Variants in IFT74 observed in about 807,000 individuals in gnomAD.
IFT74 encodes the protein intraflagellar transport 74.
Under a neutral mutation model 96.7 loss-of-function variants are expected in IFT74, and 92 were observed. The ratio of observed to expected loss-of-function variants is 0.95; its 90% CI spans 0.80 to 1.13. IFT74 has a LOEUF of 1.13. IFT74 is among the 50% of genes most tolerant of loss of function. The pLI, the probability that IFT74 is intolerant of heterozygous loss-of-function variation, is 0.00. For missense variants in IFT74, 811 were observed against 698.2 expected, an observed-to-expected ratio of 1.16 and a Z score of -1.82; for synonymous variants, 223 against 213.2, an observed-to-expected ratio of 1.05 and a Z score of -0.40.
chr9:27,029,423 C>T (rs745893298), intron 13 of IFT74, among the ~76,000 whole-genome samples: 4 of 152,108 alleles, frequency 2.6e-5, no homozygotes, highest in Admixed American at 6.5e-5. Flanking sequence ...AGTTACACTT[C>T]CTTCCTAGTA....
intron 8 of IFT74, among the ~76,000 whole-genome samples, chr9:27,003,091 T>C (rs1322348351): frequency 6.6e-6 from 1 of 152,222 alleles, no homozygotes; most frequent in African/African-American, 2.4e-5. Context: ...TTCAGATTCT[T>C]CACTGTTGGC....
upstream of IFT74, among the ~76,000 whole-genome samples, chr9:26,955,177 G>A (rs1303948528): frequency 2.0e-5 from 3 of 152,124 alleles, no homozygotes; most frequent in East Asian, 5.8e-4. Context: ...AGGACATTAA[G>A]CAGCTCACAG....
At chr9:26,947,181 G>A in intron 1 of IFT74, 1 of 1,080,922 alleles carries the variant, frequency 9.3e-7, no homozygotes, top group Non-Finnish European at 1.3e-6. Context: ...GAGCCCGAGA[G>A]CCGGTACGGA....
intron 12 of IFT74, 132 bp downstream of exon 12, chr9:27,018,819 C>T: frequency 2.2e-6 from 1 of 451,384 alleles, no homozygotes; most frequent in South Asian, 6.6e-5. Context: ...TGTTTAAGAG[C>T]CATTGCATAG....
At chr9:27,045,323 C>T (rs1052517483) in intron 14 of IFT74, among the ~76,000 whole-genome samples, 3 of 152,208 alleles carry the variant, frequency 2.0e-5, no homozygotes, top group African/African-American at 4.8e-5. Flanking sequence ...GCCCCCAGCC[C>T]TGGTCCATAG....
chr9:26,954,650 G>A (rs918273106), upstream of IFT74, among the ~76,000 whole-genome samples: 1 of 151,048 alleles, frequency 6.6e-6, no homozygotes, highest in African/African-American at 2.4e-5. Flanking sequence ...AGACATTTGG[G>A]TTAAGACCTG....
intron 8 of IFT74, chr9:26,997,853 A>C (rs565405550): frequency 6.2e-7 from 1 of 1,614,182 alleles, no homozygotes; most frequent in East Asian, 2.2e-5. Flanking sequence ...CAAATAGCTA[A>C]TCAAATTGCC....
At chr9:27,006,060 T>C (rs1371546813) in intron 8 of IFT74, among the ~76,000 whole-genome samples, 1 of 152,012 alleles carries the variant, frequency 6.6e-6, no homozygotes, top group Non-Finnish European at 1.5e-5. Context: ...GCCAGGCTGG[T>C]CTCAAACTCC....
intron 1 of IFT74, among the ~76,000 whole-genome samples, chr9:26,959,131 C>G (rs1028901573): frequency 6.8e-6 from 1 of 147,078 alleles, no homozygotes; most frequent in Non-Finnish European, 1.5e-5. Flanking sequence ...TGTTTTGAGA[C>G]GGAGTCTCGC....
intron 13 of IFT74, among the ~76,000 whole-genome samples, chr9:27,040,599 T>G (rs887583427): frequency 6.6e-6 from 1 of 150,400 alleles, no homozygotes; most frequent in Non-Finnish European, 1.5e-5. Flanking sequence ...TTTGCGTGCT[T>G]CAGAAGTATT....
chr9:26,968,211 T>A (rs559252133), intron 2 of IFT74, among the ~76,000 whole-genome samples: 1 of 151,996 alleles, frequency 6.6e-6, no homozygotes, highest in South Asian at 2.1e-4. Flanking sequence ...AGCAGTGAAG[T>A]CATCAGGTCC....
chr9:27,029,966 G>T (rs1830046639), intron 13 of IFT74, among the ~76,000 whole-genome samples: 1 of 151,940 alleles, frequency 6.6e-6, no homozygotes, highest in Admixed American at 6.6e-5. Context: ...ACTAATGCAG[G>T]TACCAGAACA....
intron 1 of IFT74, among the ~76,000 whole-genome samples, chr9:26,960,236 A>G (rs147147270): frequency 2.0e-5 from 3 of 152,086 alleles, no homozygotes; most frequent in African/African-American, 7.2e-5. Flanking sequence ...TCAGTCTCTC[A>G]TACTAGATTT....
At chr9:26,992,326 CTCTG>C (rs777080360) in intron 8 of IFT74, among the ~76,000 whole-genome samples, 28 of 152,120 alleles carry the variant, frequency 1.8e-4, no homozygotes, top group Middle Eastern at 3.4e-3. Flanking sequence ...CATTTAAAAA[CTCTG>C]TCTGTAATTT....
upstream of IFT74, among the ~76,000 whole-genome samples, chr9:26,955,228 C>G (rs1826042097): frequency 1.3e-5 from 2 of 152,136 alleles, no homozygotes; most frequent in Admixed American, 1.3e-4. Context: ...AGGTTCTCCT[C>G]CCAATAAAGC....
At chr9:26,980,348 C>A (rs1398463514) in intron 3 of IFT74, among the ~76,000 whole-genome samples, 1 of 152,178 alleles carries the variant, frequency 6.6e-6, no homozygotes, top group Non-Finnish European at 1.5e-5. Context: ...CTTTTAACAG[C>A]CCCACCTCTA....
intron 12 of IFT74, among the ~76,000 whole-genome samples, chr9:27,020,282 A>G (rs779125782): frequency 6.6e-6 from 1 of 152,300 alleles, no homozygotes; most frequent in Non-Finnish European, 1.5e-5. Context: ...TTGGAATCAC[A>G]GTCTCTAGTA....
chr9:26,972,411 C>G (rs568127122), intron 2 of IFT74, among the ~76,000 whole-genome samples: 1 of 152,268 alleles, frequency 6.6e-6, no homozygotes, highest in South Asian at 2.1e-4. Context: ...GGGTCTAAAA[C>G]TTTTGACAGG....
In IFT74 at chr9:27,061,144, GGTGTGT is replaced by G. The variant is rs34615635; in HGVS notation, c.1684+513_1684+518del. On this transcript the variant is annotated intron_variant, in intron 19 of 19. Coordinates refer to ENST00000380062, the MANE Select transcript of IFT74 (RefSeq NM_025103.4). The stretch of plus-strand genomic sequence containing the variant: ...TGTTTCAATTCTACAGTAGTTAAGA[GGTGTGT>G]GTGTGTGTGTGTGTGTGTGCGCACG... Among the ~76,000 whole-genome samples, 58 of 149,858 alleles carry G rather than the reference GGTGTGT, an allele frequency of 3.9e-4. 1 individual carries two copies. The highest frequency in any genetic ancestry group is 4.0e-4 in the East Asian group (2 of 5,062).
Sources: allele counts gnomAD v4.1 joint callset (sites outside exome capture counted in the v4.1 genomes callset), GRCh38; gene constraint gnomAD v4.1.1; transcripts MANE v1.5; gene names NCBI Gene and HGNC (gene_info 2026-07-23, HGNC 2026-07-21).